Variants in CUL2 observed in about 807,000 individuals in gnomAD.
CUL2 encodes the protein cullin 2.
A neutral mutation model predicts 110.2 loss-of-function variants in CUL2; 22 were observed. That is an observed-to-expected ratio of 0.20 (90% CI 0.14 to 0.28). The LOEUF (loss-of-function observed/expected upper bound fraction) is 0.28, where lower values mean the gene tolerates loss of function less well. CUL2 is among the 10% of genes least tolerant of loss of function. CUL2 has a pLI of 1.00. For synonymous variants in CUL2, 279 were observed against 293.2 expected, an observed-to-expected ratio of 0.95 and a Z score of 0.49; for missense variants, 631 against 905.5, an observed-to-expected ratio of 0.70 and a Z score of 3.89.
At chr10:35,016,783 C>T (rs1281547141) in intron 17 of CUL2, among the ~76,000 whole-genome samples, 1 of 151,832 alleles carries the variant, frequency 6.6e-6, no homozygotes, top group Non-Finnish European at 1.5e-5. Context: ...AAAAATTAGC[C>T]AGGCATGGTG....
chr10:35,116,243 TG>T (rs1189664103), intron 1 of CUL2, among the ~76,000 whole-genome samples: 1 of 151,944 alleles, frequency 6.6e-6, no homozygotes, highest in Non-Finnish European at 1.5e-5. Context: ...CTCCGGAGGC[TG>T]AGGCACAAGA....
At chr10:35,032,061 T>C (rs2085493337) in intron 12 of CUL2, among the ~76,000 whole-genome samples, 1 of 152,204 alleles carries the variant, frequency 6.6e-6, no homozygotes, top group Admixed American at 6.5e-5. Context: ...AGTGGTTTTA[T>C]AATTTTTGAC....
At position 35,009,148 on chromosome 10, in the gene CUL2, A is replaced by G. The variant is rs912425948; in HGVS notation, c.*1163T>C. 2.0e-5 allele frequency: 3 copies of G among 148,298 alleles called. No homozygotes were observed. The highest frequency in any genetic ancestry group is 3.0e-5 in the Non-Finnish European group (2 of 67,238). 9.2% of individuals were successfully genotyped at this position (148,298 alleles called of 1,614,324 possible). A position where few individuals can be genotyped will look rare whatever the true frequency, so the allele number is the denominator to read the frequency against. On this transcript the variant is annotated 3_prime_UTR_variant, in exon 21 of 21. Coordinates refer to ENST00000374749, the MANE Select transcript of CUL2 (RefSeq NM_003591.4). ...ATGGTGTGGATAGACAATAAATATG[A>G]TAATAGATCGCAGTACTCTTAACAC...
chr10:35,064,691 T>C (rs1051703250), intron 2 of CUL2, among the ~76,000 whole-genome samples: 2 of 152,182 alleles, frequency 1.3e-5, no homozygotes, highest in Non-Finnish European at 2.9e-5. Context: ...TTAAGCTTTA[T>C]TTATTTATAT....
intron 16 of CUL2, among the ~76,000 whole-genome samples, chr10:35,027,793 A>G (rs1251530249): frequency 6.6e-6 from 1 of 152,220 alleles, no homozygotes; most frequent in Non-Finnish European, 1.5e-5. Context: ...AGACAATTCA[A>G]ATGGAGAGAA....
Position 35,025,217 on chromosome 10 carries a change from A to AC in CUL2, c.1618-20_1618-19insG, listed in dbSNP as rs1554854427. 3.5e-4 allele frequency: 533 copies of AC among 1,536,684 alleles called. 3 individuals carry two copies. The South Asian group carries it at 5.4e-3, about 16-fold the overall frequency. On this transcript the variant is annotated intron_variant, in intron 16 of 20. Transcript: ENST00000374749. ...ATTCAAACTGTAAAAAAAAAAAAAA[A>AC]ACACACATTATTTTTAGCTACTATA... is the stretch of plus-strand genomic sequence containing the variant.
At chr10:35,040,045 C>T (rs2085741678) in intron 8 of CUL2, among the ~76,000 whole-genome samples, 3 of 151,790 alleles carry the variant, frequency 2.0e-5, no homozygotes. Context: ...ACCAGCTACT[C>T]GGGAGGCTGA....
intron 1 of CUL2, among the ~76,000 whole-genome samples, chr10:35,077,312 CAAAA>C (rs1193100563): frequency 4.0e-5 from 5 of 126,570 alleles, no homozygotes; most frequent in African/African-American, 1.4e-4. Flanking sequence ...AAACAAAAAA[CAAAA>C]ACAAACAAAC....
chr10:35,060,783 A>C (rs185638191), intron 4 of CUL2, 91 bp downstream of exon 4: 5 of 986,582 alleles, frequency 5.1e-6, no homozygotes, highest in Non-Finnish European at 7.7e-6. Context: ...TGCATATGTG[A>C]ATGAGAAATA....
chr10:35,029,493 G>T lies in CUL2; in HGVS notation c.1534C>A (p.Leu512Ile). The change falls in exon 15 of 21, where the codon CTA (leucine) becomes ATA (isoleucine). Residue 512 changes from leucine (L) to isoleucine (I), a missense_variant. Leu to Ile is a conservative substitution (Grantham distance 5). Around this residue, in one of 3 missense-constraint regions of CUL2, gnomAD observed 134 missense variants for 260.4 expected, o/e 0.51. Coordinates refer to ENST00000374749, the MANE Select transcript of CUL2 (RefSeq NM_003591.4). ...DLGISFQIYV[L>I]QAGAWPLTQA... ...AGTAAAACACATATTCATACCTGTA[G>T]AACATATATTTGAAAACTAATTCCC... 6.5e-7 allele frequency: 1 copy of T among 1,538,640 alleles called. No homozygotes were observed. Among genetic ancestry groups the T allele is most frequent in the South Asian group, 1.2e-5 (1 of 82,570 alleles).
intron 1 of CUL2, among the ~76,000 whole-genome samples, chr10:35,125,554 ACT>A (rs2087755282): frequency 6.6e-6 from 1 of 152,298 alleles, no homozygotes; most frequent in East Asian, 1.9e-4. Context: ...TTATGAAAAC[ACT>A]CTGACACTAC....
chr10:35,063,007 T>C lies in CUL2; in HGVS notation c.175A>G (p.Thr59Ala). The stretch of plus-strand genomic sequence containing the variant: ...TTTTCCAAAAAAATCTTAGTTTCTG[T>C]ATAAAGTCTTTCTCCAAGGGGTTCA... ...YPEPLGERLY[T>A]ETKIFLENHV... The change falls in exon 3 of 21, where the codon ACA becomes GCA. Residue 59 changes from threonine (T) to alanine (A), a missense_variant. Coordinates refer to ENST00000374749, the MANE Select transcript of CUL2 (RefSeq NM_003591.4). 6.2e-7 allele frequency: 1 copy of C among 1,611,864 alleles called. No homozygotes were observed. The highest frequency in any genetic ancestry group is 8.5e-7 in the Non-Finnish European group (1 of 1,178,090).
At chr10:35,092,574 G>A (rs1431361164), upstream of CUL2, among the ~76,000 whole-genome samples, 4 of 152,338 alleles carry the variant, frequency 2.6e-5, no homozygotes, top group African/African-American at 7.2e-5. Context: ...AAAAGCACTT[G>A]TGTGGTTGAC....
At chr10:35,041,723 G>A (rs1037887160) in intron 8 of CUL2, among the ~76,000 whole-genome samples, 1 of 152,070 alleles carries the variant, frequency 6.6e-6, no homozygotes, top group Non-Finnish European at 1.5e-5. Context: ...TTTTTGTAGA[G>A]ATGGGGTTTT....
Position 35,115,333 on chromosome 10 carries a change from G to A in CUL2, c.-51+11272C>T, listed in dbSNP as rs1366212877. On this transcript the variant is annotated intron_variant, in intron 1 of 5. Transcript: ENST00000685421. ...TCCCAGCACTTTGGGAGGCGGAGGC[G>A]GGCGGATAGCGAGGTTAGGAATTCA... Among the ~76,000 whole-genome samples, 4 of 149,830 alleles carry A rather than the reference G, an allele frequency of 2.7e-5. 1 individual carries two copies. Among genetic ancestry groups the A allele is most frequent in the Admixed American group, 2.0e-4 (3 of 15,046 alleles).
Position 35,035,087 on chromosome 10 carries a change from A to T in CUL2, c.1002+85T>A. 7 of 1,487,958 alleles carry T rather than the reference A, an allele frequency of 4.7e-6. No homozygotes were observed. In the Admixed American group the frequency reaches 9.4e-5, roughly 20 times the overall value. 92.2% of individuals were successfully genotyped at this position (1,487,958 alleles called of 1,614,324 possible). A position where few individuals can be genotyped will look rare whatever the true frequency, so the allele number is the denominator to read the frequency against. On this transcript the variant is annotated intron_variant, in intron 10 of 20. Coordinates refer to ENST00000374749, the MANE Select transcript of CUL2 (RefSeq NM_003591.4). ...TTGGCATGGTAAGACTTTTTCTTTC[A>T]TCTTTCAAAACAATAAAGTCAAAGG...
rs141701847 is a variant in CUL2 at position 35,047,490 on chromosome 10, G to A, written c.506+2193C>T. Among the ~76,000 whole-genome samples, 445 of 151,070 alleles carry A rather than the reference G, an allele frequency of 2.9e-3. 3 individuals are homozygous for A. Among genetic ancestry groups the A allele is most frequent in the African/African-American group, 0.011 (433 of 41,154 alleles). On this transcript the variant is annotated intron_variant, in intron 6 of 20. Transcript: ENST00000374749. ...CCGGGTGTGGTGGTGCGCGTCTGTAGTCCCAGCTACTCGGGAGGCTGAGGC... is the reference window on the plus strand; with the variant it reads ...CCGGGTGTGGTGGTGCGCGTCTGTAATCCCAGCTACTCGGGAGGCTGAGGC...
chr10:35,124,119 G>A (rs1271506054), intron 1 of CUL2, among the ~76,000 whole-genome samples: 1 of 152,164 alleles, frequency 6.6e-6, no homozygotes, highest in Non-Finnish European at 1.5e-5. Context: ...GGTACTTGAA[G>A]CTGAATGAGC....
chr10:35,011,288 A>G (rs765687561), intron 20 of CUL2, among the ~76,000 whole-genome samples: 18 of 150,130 alleles, frequency 1.2e-4, no homozygotes, highest in Non-Finnish European at 2.5e-4. Flanking sequence ...CCTGGACTCA[A>G]GTGATCCTCC....
Sources: gnomAD v4.1 joint callset for allele counts (sites outside exome capture counted in the v4.1 genomes callset) on GRCh38, gnomAD v4.1.1 for gene constraint, gnomAD v4.1.1 regional missense constraint, MANE v1.5 for transcripts, NCBI Gene and HGNC (gene_info 2026-07-23, HGNC 2026-07-21) for gene names.